ZNF492: variants seen among roughly 807,000 people sequenced by gnomAD.
The protein encoded by ZNF492 is zinc finger protein 492.
ZNF492 carries 3 observed loss-of-function variants against 6.4 expected under a neutral mutation model. The ratio of observed to expected loss-of-function variants is 0.47; its 90% CI spans 0.21 to 1.22. ZNF492 has a LOEUF of 1.22. ZNF492 is among the 50% of genes most tolerant of loss of function. The pLI, the probability that ZNF492 is intolerant of heterozygous loss-of-function variation, is 0.22. For missense variants in ZNF492, 356 were observed against 612.5 expected (o/e 0.58, Z 4.42); for synonymous variants, 112 against 205.3 (o/e 0.55, Z 3.89).
At chr19:22,650,026 C>T (rs1162970210) in intron 1 of ZNF492, among the ~76,000 whole-genome samples, 1 of 152,094 alleles carries the variant, frequency 6.6e-6, no homozygotes, top group Admixed American at 6.5e-5. Flanking sequence ...GAAGAGGCAC[C>T]CTTGCCTTTT....
Position 22,666,967 on chromosome 19 carries a change from G to A in ZNF492, c.*1702G>A, listed in dbSNP as rs62118832. On this transcript the variant is annotated 3_prime_UTR_variant, in exon 4 of 4. Transcript: ENST00000456783. The stretch of plus-strand genomic sequence containing the variant: ...AACAAGGCCGGGCACGGTGGCTCAC[G>A]CCTGTAATCCCAGCACTTTGGGAGG... 29,452 of 152,114 alleles carry A rather than the reference G, an allele frequency of 0.19. 3,711 individuals carry two copies. The highest frequency in any genetic ancestry group is 0.36 in the African/African-American group (15,114 of 41,440). The allele number at this position is 152,114 out of a possible 1,614,324, so 9.4% of individuals were successfully genotyped here.
chr19:22,636,411 A>G (rs532899588), intron 1 of ZNF492, among the ~76,000 whole-genome samples: 2 of 151,886 alleles, frequency 1.3e-5, no homozygotes, highest in African/African-American at 2.4e-5. Context: ...TATTACTTAG[A>G]AACAACATGC....
chr19:22,645,851 G>A (rs1375442602), intron 1 of ZNF492, among the ~76,000 whole-genome samples: 4 of 152,092 alleles, frequency 2.6e-5, no homozygotes, highest in Admixed American at 6.6e-5. Context: ...TGTTATTTCT[G>A]AGGTTTCTTT....
Position 22,642,763 on chromosome 19 carries a change from G to A in ZNF492, c.-94+8289G>A, listed in dbSNP as rs117973396. Among the ~76,000 whole-genome samples the A allele has an allele frequency of 5.4e-3, 823 of 152,026 alleles. 7 individuals are homozygous for A. The highest frequency in any genetic ancestry group is 0.017 in the African/African-American group (706 of 41,456). On this transcript the variant is annotated intron_variant, in intron 1 of 3. Transcript: ENST00000456783. ...ATTGCTTTGTGTTTGCTTTGGCAGAGGTTTATTTTTTTAATTTTCAGTCAT... is the reference window on the plus strand; with the variant it reads ...ATTGCTTTGTGTTTGCTTTGGCAGAAGTTTATTTTTTTAATTTTCAGTCAT...
chr19:22,638,062 C>CT (rs200800574), intron 1 of ZNF492, among the ~76,000 whole-genome samples: 13 of 151,860 alleles, frequency 8.6e-5, no homozygotes, highest in Admixed American at 4.6e-4. Flanking sequence ...CTTTTTAGGT[C>CT]TTTTTTTTCC....
chr19:22,646,764 A>G (rs1416486362), intron 1 of ZNF492, among the ~76,000 whole-genome samples: 1 of 152,196 alleles, frequency 6.6e-6, no homozygotes, highest in African/African-American at 2.4e-5. Flanking sequence ...TTCTGCATCT[A>G]TTGAGATAAT....
rs1432932137 is a variant in ZNF492, at chr19:22,667,259, G to A, written c.*1994G>A. On this transcript the variant is annotated 3_prime_UTR_variant, in exon 4 of 4. Transcript: ENST00000456783. ...TAAATAAGTAAATAAAATAAATGGT[G>A]GTAACAATACACTATTTGGTAAAAG... 1 of 151,886 alleles carries A rather than the reference G, an allele frequency of 6.6e-6. No individual in the cohort carries two copies. Among genetic ancestry groups the A allele is most frequent in the African/African-American group, 2.4e-5 (1 of 41,346 alleles). 9.4% of individuals were successfully genotyped at this position (151,886 alleles called of 1,614,324 possible).
intron 3 of ZNF492, among the ~76,000 whole-genome samples, chr19:22,655,849 G>T (rs1971991682): frequency 8.6e-6 from 1 of 115,730 alleles, no homozygotes; most frequent in Non-Finnish European, 1.6e-5. Flanking sequence ...TTTTGAGACA[G>T]CGTCTCACTC....
intron 1 of ZNF492, among the ~76,000 whole-genome samples, chr19:22,645,413 A>G (rs1897600): frequency 0.081 from 12,345 of 151,928 alleles, 1,623 homozygotes; most frequent in African/African-American, 0.28. Context: ...GTAAATTCTG[A>G]ATATTAGATC....
intron 1 of ZNF492, among the ~76,000 whole-genome samples, chr19:22,639,901 G>T (rs991261026): frequency 1.3e-5 from 2 of 151,326 alleles, no homozygotes; most frequent in African/African-American, 4.9e-5. Context: ...GAATAGGAGT[G>T]TTGAGAGGAG....
intron 1 of ZNF492, among the ~76,000 whole-genome samples, chr19:22,652,288 C>T (rs1299649098): frequency 1.7e-5 from 2 of 120,284 alleles, no homozygotes; most frequent in East Asian, 2.3e-4. Context: ...ACTGCAGTGG[C>T]GCAATCTCGG....
In ZNF492 at chr19:22,665,031, T is replaced by C. The variant is rs1357735668; in HGVS notation, c.1362T>C (p.Cys454=). The change falls in exon 4 of 4, where the codon TGT becomes TGC. Residue 454 remains cysteine (C), a synonymous_variant. Coordinates refer to ENST00000456783, the MANE Select transcript of ZNF492 (RefSeq NM_020855.3). ...AGAAGCCCTACAAATATGAAGAATG[T>C]GGCAAAGCTTTTAACCAGTCCTCAC... ...TGEKPYKYEE[C]GKAFNQSSHL... The C allele has an allele frequency of 1.3e-6, 2 of 1,586,686 alleles. No individual in the cohort carries two copies. The highest frequency in any genetic ancestry group is 1.7e-6 in the Non-Finnish European group (2 of 1,167,014).
rs186448040 is a variant in ZNF492 at position 22,640,525 on chromosome 19, T to G, written c.-94+6051T>G. Among the ~76,000 whole-genome samples the G allele has an allele frequency of 2.6e-5, 4 of 152,320 alleles. No individual in the cohort carries two copies. In the East Asian group the frequency reaches 7.7e-4, roughly 29 times the overall value. On this transcript the variant is annotated intron_variant, in intron 1 of 3. Coordinates refer to ENST00000456783, the MANE Select transcript of ZNF492 (RefSeq NM_020855.3). ...CTCTACTTGATTATAGTTGGTTAGGTTTTTGATGTCCTGCTCAATTTGGTT... is the reference window on the plus strand; with the variant it reads ...CTCTACTTGATTATAGTTGGTTAGGGTTTTGATGTCCTGCTCAATTTGGTT...
intron 1 of ZNF492, among the ~76,000 whole-genome samples, chr19:22,652,008 C>T (rs1221152104): frequency 6.6e-6 from 1 of 152,056 alleles, no homozygotes; most frequent in Non-Finnish European, 1.5e-5. Flanking sequence ...TTACTTTTGG[C>T]TGGGCAATAT....
At chr19:22,647,154 G>A (rs184161459) in intron 1 of ZNF492, among the ~76,000 whole-genome samples, 37 of 152,052 alleles carry the variant, frequency 2.4e-4, no homozygotes, top group Non-Finnish European at 3.2e-4. Flanking sequence ...GCCTCCCAAA[G>A]TGGTGGGATT....
rs113883317 is a variant in ZNF492, at chr19:22,636,869, A to G, written c.-94+2395A>G. ...GGCTGGTCTTGAACTCCTGACCTCA[A>G]GTGATCTGCCTGCCTCGGCCTCCCA... is the stretch of plus-strand genomic sequence containing the variant. On this transcript the variant is annotated intron_variant, in intron 1 of 3. Transcript: ENST00000456783. 3.5e-5 allele frequency among the ~76,000 whole-genome samples: 4 copies of G among 113,626 alleles called. No homozygotes were observed. In the East Asian group the frequency reaches 7.5e-4, roughly 21 times the overall value. The allele number at this position is 113,626 out of a possible 152,430, so 74.5% of individuals were successfully genotyped here.
chr19:22,657,992 G>A (rs978786422), intron 3 of ZNF492, among the ~76,000 whole-genome samples: 4 of 152,030 alleles, frequency 2.6e-5, no homozygotes, highest in African/African-American at 9.7e-5. Flanking sequence ...TATTTCCTAT[G>A]TGTGAGGGAA....
chr19:22,658,110 A>T (rs1460224486), intron 3 of ZNF492, among the ~76,000 whole-genome samples: 1 of 152,134 alleles, frequency 6.6e-6, no homozygotes, highest in African/African-American at 2.4e-5. Context: ...AAAATTTACC[A>T]CCTTAAATCT....
intron 3 of ZNF492, among the ~76,000 whole-genome samples, chr19:22,660,316 C>A (rs534773844): frequency 6.6e-6 from 1 of 151,804 alleles, no homozygotes; most frequent in South Asian, 2.1e-4. Flanking sequence ...TTATTTGATT[C>A]TTGCATCTTT....
Sources: allele counts gnomAD v4.1 joint callset (sites outside exome capture counted in the v4.1 genomes callset), GRCh38; gene constraint gnomAD v4.1.1; transcripts MANE v1.5; gene names NCBI Gene and HGNC (gene_info 2026-07-23, HGNC 2026-07-21).